JAK2: variants seen among roughly 807,000 people sequenced by gnomAD.
JAK2 encodes Janus kinase 2.
In JAK2, 86 loss-of-function variants were observed where a neutral mutation model predicts 139.3. The observed-to-expected ratio is 0.62, with a 90% CI of 0.52 to 0.74. JAK2 has a LOEUF of 0.74. Ranked by LOEUF, JAK2 falls within the 30% of genes least tolerant of loss-of-function variation. The probability of loss-of-function intolerance (pLI) is 0.00; values close to 1 mark genes in which losing one functional copy is unlikely to be tolerated. For synonymous variants in JAK2, 490 were observed against 437.7 expected (o/e 1.12, Z -1.49); for missense variants, 1,421 against 1,360.3 (o/e 1.04, Z -0.70).
intron 10 of JAK2, among the ~76,000 whole-genome samples, chr9:5,067,989 G>A (rs769150284): frequency 2.0e-5 from 3 of 151,920 alleles, no homozygotes; most frequent in Non-Finnish European, 2.9e-5. Context: ...GTGAAACCCT[G>A]TCTCTACCAA....
At chr9:5,075,213 A>G (rs1248185360) in intron 14 of JAK2, among the ~76,000 whole-genome samples, 1 of 152,190 alleles carries the variant, frequency 6.6e-6, no homozygotes, top group Non-Finnish European at 1.5e-5. Context: ...GAAGCAGCAA[A>G]TGCTGATGTG....
intron 23 of JAK2, among the ~76,000 whole-genome samples, chr9:5,125,232 T>A (rs1206084277): frequency 6.6e-6 from 1 of 151,132 alleles, no homozygotes; most frequent in Admixed American, 6.6e-5. Flanking sequence ...AAAACTTTTA[T>A]AACTTTTATA....
intron 16 of JAK2, among the ~76,000 whole-genome samples, chr9:5,079,027 G>A (rs559958701): frequency 4.6e-5 from 7 of 152,268 alleles, no homozygotes; most frequent in African/African-American, 1.7e-4. Context: ...CTAATTGGAT[G>A]TTCTAAATTT....
chr9:5,115,205 A>C (rs1173044178), intron 22 of JAK2, among the ~76,000 whole-genome samples: 5 of 152,212 alleles, frequency 3.3e-5, no homozygotes, highest in Admixed American at 2.6e-4. Flanking sequence ...AAAGAACTTA[A>C]ACAAGTTCAC....
At chr9:5,038,427 C>T (rs1021862140) in intron 4 of JAK2, among the ~76,000 whole-genome samples, 1 of 152,052 alleles carries the variant, frequency 6.6e-6, no homozygotes, top group African/African-American at 2.4e-5. Context: ...TCTGTGAGTT[C>T]AGTATTACCC....
intron 23 of JAK2, 60 bp downstream of exon 23, chr9:5,123,181 T>G: frequency 8.4e-7 from 1 of 1,185,866 alleles, no homozygotes; most frequent in Non-Finnish European, 1.2e-6. Context: ...TTTATAAATT[T>G]ATGGGGTACA....
intron 2 of JAK2, among the ~76,000 whole-genome samples, chr9:5,012,201 C>T (rs558115397): frequency 2.6e-4 from 39 of 152,272 alleles, no homozygotes; most frequent in Non-Finnish European, 5.6e-4. Flanking sequence ...CTGTCCCCTC[C>T]TCTGGCCCCT....
intron 22 of JAK2, chr9:5,099,487 A>G (rs1243047114): frequency 1.3e-5 from 2 of 152,232 alleles, no homozygotes; most frequent in Non-Finnish European, 2.9e-5. Flanking sequence ...AGTTAAAATT[A>G]TTAAATTTCA....
chr9:5,093,709 G>A (rs924299979), intron 22 of JAK2, among the ~76,000 whole-genome samples: 1 of 152,058 alleles, frequency 6.6e-6, no homozygotes, highest in Non-Finnish European at 1.5e-5. Flanking sequence ...CCAATAATTT[G>A]ATCAACAGAA....
At chr9:5,118,709 G>C (rs1294939606) in intron 22 of JAK2, among the ~76,000 whole-genome samples, 1 of 152,150 alleles carries the variant, frequency 6.6e-6, no homozygotes, top group Admixed American at 6.5e-5. Context: ...GGAATGGAAG[G>C]AGTTTTGTTA....
intron 2 of JAK2, among the ~76,000 whole-genome samples, chr9:5,021,505 T>C (rs933019012): frequency 1.3e-5 from 2 of 152,268 alleles, no homozygotes; most frequent in African/African-American, 2.4e-5. Flanking sequence ...TTGTGCTTTG[T>C]ATGTAGTAAT....
intron 2 of JAK2, among the ~76,000 whole-genome samples, chr9:5,020,804 T>C (rs1587835448): frequency 6.6e-6 from 1 of 151,798 alleles, no homozygotes; most frequent in African/African-American, 2.4e-5. Context: ...GCAATGGAGG[T>C]GACTGTCGGT....
chr9:5,038,249 AAGAAC>A (rs1299382119), intron 4 of JAK2, among the ~76,000 whole-genome samples: 4 of 152,228 alleles, frequency 2.6e-5, no homozygotes. Context: ...TGCTAAAAGA[AAGAAC>A]AGAAAGTTTG....
At chr9:4,984,926 C>A (rs1234607081), upstream of JAK2, 2 of 152,318 alleles carry the variant, frequency 1.3e-5, no homozygotes, top group Non-Finnish European at 2.9e-5. Context: ...GCCCAGGGGC[C>A]GTCCCAGGAA....
At chr9:5,116,579 CA>C (rs969412586) in intron 22 of JAK2, among the ~76,000 whole-genome samples, 2 of 152,132 alleles carry the variant, frequency 1.3e-5, no homozygotes, top group African/African-American at 2.4e-5. Flanking sequence ...AGCTGGCAAT[CA>C]AAAAATATTA....
chr9:5,095,902 AC>A (rs1820950622), intron 22 of JAK2, among the ~76,000 whole-genome samples: 1 of 152,148 alleles, frequency 6.6e-6, no homozygotes. Context: ...AAGCACTACA[AC>A]CCTGTCACTG....
At chr9:5,049,658 G>A (rs1817276785) in intron 5 of JAK2, among the ~76,000 whole-genome samples, 1 of 152,166 alleles carries the variant, frequency 6.6e-6, no homozygotes, top group African/African-American at 2.4e-5. Flanking sequence ...TCCCCTTGAT[G>A]ACTGAGACCA....
At chr9:5,099,331 A>G (rs929035305) in intron 22 of JAK2, 1 of 152,180 alleles carries the variant, frequency 6.6e-6, no homozygotes, top group Non-Finnish European at 1.5e-5. Flanking sequence ...CTACACTAAA[A>G]TATCACTGTA....
At chr9:5,078,213 T>G in intron 15 of JAK2, 93 bp from the exon 16 acceptor site, 1 of 1,026,074 alleles carries the variant, frequency 9.7e-7, no homozygotes, top group African/African-American at 1.6e-5. Flanking sequence ...CATGTATTTT[T>G]CTTCTTTAAA....
Sources: allele counts gnomAD v4.1 joint callset (sites outside exome capture counted in the v4.1 genomes callset), GRCh38; gene constraint gnomAD v4.1.1; transcripts MANE v1.5; gene names NCBI Gene and HGNC (gene_info 2026-07-23, HGNC 2026-07-21).